Variants in KLHL1 observed in about 807,000 individuals in gnomAD.
KLHL1 encodes kelch like family member 1, also known as kelch-like protein 1.
KLHL1 carries 47 observed loss-of-function variants against 77.7 expected under a neutral mutation model. The ratio of observed to expected loss-of-function variants is 0.60; its 90% confidence interval spans 0.48 to 0.77. The LOEUF is 0.77. KLHL1 is among the 30% of genes least tolerant of loss of function. The pLI is 0.00. For missense variants in KLHL1, 925 were observed against 910.8 expected, an observed-to-expected ratio of 1.02 and a Z score of -0.20; for synonymous variants, 360 against 325.2, an observed-to-expected ratio of 1.11 and a Z score of -1.15.
intron 5 of KLHL1, among the ~76,000 whole-genome samples, chr13:69,875,398 G>A (rs1163373852): frequency 2.0e-5 from 3 of 152,076 alleles, no homozygotes; most frequent in African/African-American, 4.8e-5. Context: ...AATTGATAAT[G>A]TAAGAAGTGC....
chr13:69,787,122 C>T (rs577348814), intron 7 of KLHL1, among the ~76,000 whole-genome samples: 2 of 152,278 alleles, frequency 1.3e-5, no homozygotes, highest in African/African-American at 2.4e-5. Flanking sequence ...CCCCATCAAG[C>T]TACCAGTGAC....
chr13:70,003,708 A>C (rs1017097932), intron 1 of KLHL1, among the ~76,000 whole-genome samples: 2 of 151,830 alleles, frequency 1.3e-5, no homozygotes, highest in African/African-American at 4.8e-5. Context: ...AACCCCTATT[A>C]ATATTTCATG....
At chr13:69,843,343 A>T (rs1286567290) in intron 5 of KLHL1, among the ~76,000 whole-genome samples, 1 of 151,696 alleles carries the variant, frequency 6.6e-6, no homozygotes, top group Admixed American at 6.6e-5. Context: ...TAACAGAATA[A>T]AAAAGTGAAT....
chr13:69,795,676 A>C (rs1877071055), intron 7 of KLHL1, among the ~76,000 whole-genome samples: 1 of 152,182 alleles, frequency 6.6e-6, no homozygotes, highest in Non-Finnish European at 1.5e-5. Context: ...ATTGGTGGCA[A>C]ATCACAAAAC....
intron 6 of KLHL1, among the ~76,000 whole-genome samples, chr13:69,801,064 C>T (rs985508171): frequency 2.0e-5 from 3 of 152,130 alleles, no homozygotes; most frequent in African/African-American, 7.2e-5. Context: ...TGATGACTAC[C>T]TAAAGCCCTC....
chr13:70,017,035 C>T (rs1364699652), intron 1 of KLHL1, among the ~76,000 whole-genome samples: 1 of 151,348 alleles, frequency 6.6e-6, no homozygotes, highest in Non-Finnish European at 1.5e-5. Context: ...CAGAAAGGAG[C>T]TACTCATTTT....
At chr13:69,934,797 G>A (rs1883115845) in intron 4 of KLHL1, among the ~76,000 whole-genome samples, 1 of 148,062 alleles carries the variant, frequency 6.8e-6, no homozygotes, top group Non-Finnish European at 1.5e-5. Flanking sequence ...ATTTTCTTCT[G>A]TTATGAACAT....
At chr13:69,761,739 A>G (rs1016585618) in intron 7 of KLHL1, among the ~76,000 whole-genome samples, 2 of 152,128 alleles carry the variant, frequency 1.3e-5, no homozygotes, top group African/African-American at 4.8e-5. Context: ...GAAAGGATAT[A>G]AGTCCAATGT....
chr13:69,930,577 T>C (rs932664166), intron 4 of KLHL1, among the ~76,000 whole-genome samples: 1 of 151,836 alleles, frequency 6.6e-6, no homozygotes, highest in African/African-American at 2.4e-5. Flanking sequence ...CAATGCATCC[T>C]CAAATGATAT....
intron 1 of KLHL1, among the ~76,000 whole-genome samples, chr13:70,088,770 CAT>C (rs1887605124): frequency 6.6e-6 from 1 of 151,896 alleles, no homozygotes; most frequent in African/African-American, 2.4e-5. Flanking sequence ...AAATTTTAAA[CAT>C]ATTAGACATT....
intron 2 of KLHL1, among the ~76,000 whole-genome samples, chr13:69,966,810 A>T (rs1036011203): frequency 6.6e-6 from 1 of 151,942 alleles, no homozygotes; most frequent in Admixed American, 6.6e-5. Flanking sequence ...TCAACTCTCT[A>T]TGTCCATATA....
intron 1 of KLHL1, among the ~76,000 whole-genome samples, chr13:70,007,044 A>T (rs1430442738): frequency 1.3e-5 from 2 of 151,958 alleles, no homozygotes; most frequent in African/African-American, 2.4e-5. Flanking sequence ...GTGTTCAGAG[A>T]AAACAACCGG....
At chr13:69,787,027 A>G (rs1257840864) in intron 7 of KLHL1, among the ~76,000 whole-genome samples, 1 of 152,226 alleles carries the variant, frequency 6.6e-6, no homozygotes, top group East Asian at 1.9e-4. Flanking sequence ...AACAAATGGA[A>G]GAACATTCCA....
chr13:70,085,307 T>C (rs1179133552), intron 1 of KLHL1, among the ~76,000 whole-genome samples: 1 of 152,172 alleles, frequency 6.6e-6, no homozygotes, highest in Non-Finnish European at 1.5e-5. Context: ...TTGAACATCA[T>C]TTTTATTGCA....
chr13:69,789,124 T>G (rs1876730004), intron 7 of KLHL1, among the ~76,000 whole-genome samples: 3 of 151,896 alleles, frequency 2.0e-5, no homozygotes, highest in Non-Finnish European at 4.4e-5. Flanking sequence ...TCTGTATCTA[T>G]CCTCTAAATT....
rs569292448 is a variant in KLHL1 at position 69,791,178 on chromosome 13, G to A, written c.1639+5560C>T. On this transcript the variant is annotated intron_variant, in intron 7 of 10. Coordinates refer to ENST00000377844, the MANE Select transcript of KLHL1 (RefSeq NM_020866.3). ...ACAAATACAAACTGTATTTCTATACGCTAGCAATAAAAAATCTGAAAATGA... is the reference window on the plus strand; with the variant it reads ...ACAAATACAAACTGTATTTCTATACACTAGCAATAAAAAATCTGAAAATGA... 1.9e-4 allele frequency among the ~76,000 whole-genome samples: 29 copies of A among 151,800 alleles called. No homozygotes were observed. In the South Asian group the frequency reaches 3.9e-3, roughly 21 times the overall value.
At chr13:69,843,475 T>C (rs1879343374) in intron 5 of KLHL1, among the ~76,000 whole-genome samples, 1 of 151,606 alleles carries the variant, frequency 6.6e-6, no homozygotes, top group African/African-American at 2.4e-5. Context: ...TTCTATGCTA[T>C]CCCTAGTATT....
chr13:70,096,470 C>T (rs1023705526), intron 1 of KLHL1, among the ~76,000 whole-genome samples: 4 of 151,856 alleles, frequency 2.6e-5, no homozygotes, highest in Admixed American at 2.6e-4. Context: ...TTACATATAC[C>T]TTTTGGCCAC....
At chr13:69,851,559 G>A (rs544019430) in intron 5 of KLHL1, among the ~76,000 whole-genome samples, 2 of 151,908 alleles carry the variant, frequency 1.3e-5, no homozygotes, top group South Asian at 4.2e-4. Flanking sequence ...TATGTATTGA[G>A]CTATTAACAT....
Sources: gnomAD v4.1 joint callset for allele counts (sites outside exome capture counted in the v4.1 genomes callset) on GRCh38, gnomAD v4.1.1 for gene constraint, MANE v1.5 for transcripts, NCBI Gene and HGNC (gene_info 2026-07-23, HGNC 2026-07-21) for gene names.